The following SLIT3 variants were observed in gnomAD, a reference collection of about 807,000 sequenced individuals.
SLIT3 encodes the protein slit guidance ligand 3.
A neutral mutation model predicts 184.0 loss-of-function variants in SLIT3; 68 were observed. The ratio of observed to expected loss-of-function variants is 0.37; its 90% CI spans 0.30 to 0.45. The LOEUF (loss-of-function observed/expected upper bound fraction) is 0.45, where lower values mean the gene tolerates loss of function less well. Ranked by LOEUF, SLIT3 falls within the 20% of genes least tolerant of loss-of-function variation. The pLI, the probability that SLIT3 is intolerant of heterozygous loss-of-function variation, is 1.00. For synonymous variants in SLIT3, 831 were observed against 828.6 expected, an observed-to-expected ratio of 1.00 and a Z score of -0.05; for missense variants, 1,707 against 2,026.0, an observed-to-expected ratio of 0.84 and a Z score of 3.02.
intron 23 of SLIT3, chr5:168,720,866 C>T (rs1362856820): frequency 6.6e-6 from 1 of 152,092 alleles, no homozygotes; most frequent in Non-Finnish European, 1.5e-5. Context: ...ATCACATCAG[C>T]CTGGAGGCTC....
intron 16 of SLIT3, among the ~76,000 whole-genome samples, chr5:168,757,470 G>T (rs913692251): frequency 4.6e-5 from 7 of 152,136 alleles, no homozygotes; most frequent in African/African-American, 1.7e-4. Context: ...GTCTCACTCT[G>T]TCCCCCAAGC....
chr5:168,988,271 C>T (rs1022489044), intron 4 of SLIT3, among the ~76,000 whole-genome samples: 8 of 152,242 alleles, frequency 5.3e-5, no homozygotes, highest in Admixed American at 1.3e-4. Context: ...GCTACATCTC[C>T]ACTGTAACTC....
At chr5:169,107,337 C>G (rs532583803) in intron 4 of SLIT3, among the ~76,000 whole-genome samples, 1 of 152,256 alleles carries the variant, frequency 6.6e-6, no homozygotes, top group Admixed American at 6.5e-5. Flanking sequence ...TTTTATAGAC[C>G]CTGATGCATT....
chr5:169,045,845 ATTG>A (rs751534855), intron 4 of SLIT3, among the ~76,000 whole-genome samples: 56 of 152,174 alleles, frequency 3.7e-4, no homozygotes, highest in Non-Finnish European at 6.9e-4. Context: ...ACCGAGTCAG[ATTG>A]TTAAGTTTGT....
intron 1 of SLIT3, among the ~76,000 whole-genome samples, chr5:169,281,852 T>A (rs1396809878): frequency 7.4e-6 from 1 of 135,816 alleles, no homozygotes; most frequent in African/African-American, 2.8e-5. Flanking sequence ...GGCTAGCCAG[T>A]GTTTCTTAAC....
At chr5:169,204,467 A>G (rs1237464182) in intron 3 of SLIT3, among the ~76,000 whole-genome samples, 1 of 152,236 alleles carries the variant, frequency 6.6e-6, no homozygotes, top group East Asian at 1.9e-4. Context: ...TTTATTGTTT[A>G]AGATGGAGGA....
At chr5:169,196,922 C>T (rs1763761001) in intron 3 of SLIT3, among the ~76,000 whole-genome samples, 2 of 152,104 alleles carry the variant, frequency 1.3e-5, no homozygotes, top group Admixed American at 1.3e-4. Context: ...CTGGAACCAC[C>T]CTCTATTGTC....
At chr5:169,053,027 C>T (rs1233492081) in intron 4 of SLIT3, among the ~76,000 whole-genome samples, 1 of 152,178 alleles carries the variant, frequency 6.6e-6, no homozygotes, top group East Asian at 1.9e-4. Context: ...CCGGATGAAC[C>T]ACATCAGAAC....
intron 4 of SLIT3, among the ~76,000 whole-genome samples, chr5:169,040,278 A>AT (rs113964567): frequency 0.017 from 2,562 of 152,194 alleles, 59 homozygotes; most frequent in African/African-American, 0.059. Context: ...TCAATAAAGC[A>AT]TTTTTTCCTT....
At position 168,673,306 on chromosome 5, in the gene SLIT3, A is replaced by G; in HGVS notation, c.3712T>C (p.Phe1238Leu). The change falls in exon 33 of 36, where the codon TTT becomes CTT. Residue 1238 changes from phenylalanine to leucine, a missense_variant. By Grantham distance (22) the Phe-to-Leu change is conservative. Around this residue, in one of 3 missense-constraint regions of SLIT3, gnomAD observed 387 missense variants for 477.9 expected, o/e 0.81. Coordinates refer to ENST00000519560, the MANE Select transcript of SLIT3 (RefSeq NM_003062.4). ...AGCGTCACCAGCTCCACACTGTGAA[A>G]CTGCCCATCATTCACTGTCTCCACA... is the stretch of plus-strand genomic sequence containing the variant. The part of the protein sequence containing the change: ...YSVETVNDGQ[F>L]HSVELVTLNQ... 1.2e-6 allele frequency: 2 copies of G among 1,614,132 alleles called. No individual in the cohort carries two copies. Among genetic ancestry groups the G allele is most frequent in the Non-Finnish European group, 1.7e-6 (2 of 1,180,010 alleles).
intron 5 of SLIT3, among the ~76,000 whole-genome samples, chr5:168,859,582 C>A (rs919627970): frequency 6.6e-6 from 1 of 152,286 alleles, no homozygotes; most frequent in South Asian, 2.1e-4. Flanking sequence ...GGTTTTCAAG[C>A]AATGTGGTTT....
At chr5:169,027,716 G>T (rs376057852) in intron 4 of SLIT3, among the ~76,000 whole-genome samples, 1 of 152,164 alleles carries the variant, frequency 6.6e-6, no homozygotes, top group Non-Finnish European at 1.5e-5. Context: ...TCACTTGGCC[G>T]CAGCGGTTCT....
chr5:168,867,627 C>G (rs1454848762), intron 5 of SLIT3, among the ~76,000 whole-genome samples: 1 of 152,202 alleles, frequency 6.6e-6, no homozygotes, highest in Non-Finnish European at 1.5e-5. Context: ...AAGGGATGTT[C>G]AAGTCCAGGA....
At chr5:169,185,397 C>T (rs766976532) in intron 4 of SLIT3, among the ~76,000 whole-genome samples, 6 of 152,208 alleles carry the variant, frequency 3.9e-5, no homozygotes, top group Non-Finnish European at 8.8e-5. Context: ...TCCATGCCAG[C>T]GCACAAGGGA....
intron 3 of SLIT3, among the ~76,000 whole-genome samples, chr5:169,238,944 T>C (rs2113567986): frequency 6.6e-6 from 1 of 152,314 alleles, no homozygotes; most frequent in Admixed American, 6.5e-5. Flanking sequence ...ATGGGTAATT[T>C]AAGGGATGCC....
Position 168,868,940 on chromosome 5 carries a change from T to C in SLIT3, c.485+14325A>G, listed in dbSNP as rs192177884. ...CTATTCTATTGGAGAATGGGATCTT[T>C]CTGGGGTAAGAGGTGGCCACATATC... On this transcript the variant is annotated intron_variant, in intron 5 of 35. Transcript: ENST00000519560. 2.4e-3 allele frequency among the ~76,000 whole-genome samples: 358 copies of C among 152,158 alleles called. 1 individual carries two copies. Among genetic ancestry groups the C allele is most frequent in the Middle Eastern group, 3.4e-3 (1 of 294 alleles).
intron 1 of SLIT3, among the ~76,000 whole-genome samples, chr5:169,252,318 C>T (rs1223544934): frequency 6.6e-6 from 1 of 152,170 alleles, no homozygotes; most frequent in African/African-American, 2.4e-5. Context: ...GCATGGATTA[C>T]TCCTGCCTCA....
chr5:169,200,129 G>A (rs1763865923), intron 3 of SLIT3, among the ~76,000 whole-genome samples: 2 of 152,184 alleles, frequency 1.3e-5, no homozygotes. Flanking sequence ...AAGGTGAGCA[G>A]GGCGAAGGGG....
intron 4 of SLIT3, among the ~76,000 whole-genome samples, chr5:169,010,470 T>A (rs1756102122): frequency 6.6e-6 from 1 of 152,190 alleles, no homozygotes; most frequent in Non-Finnish European, 1.5e-5. Flanking sequence ...CTGGGTGTCC[T>A]GTATTTTTAT....
Sources: allele counts gnomAD v4.1 joint callset (sites outside exome capture counted in the v4.1 genomes callset), GRCh38; gene constraint gnomAD v4.1.1; regional missense constraint gnomAD v4.1.1; transcripts MANE v1.5; gene names NCBI Gene and HGNC (gene_info 2026-07-23, HGNC 2026-07-21).